GRIK4: variants seen among roughly 807,000 people sequenced by gnomAD.
GRIK4 encodes the protein glutamate ionotropic receptor kainate type subunit 4, also known as glutamate receptor ionotropic, kainate 4.
A neutral mutation model predicts 104.9 loss-of-function variants in GRIK4; 40 were observed. That is an observed-to-expected ratio of 0.38 (90% CI 0.30 to 0.50). The LOEUF is 0.50. Among genes scored for constraint, GRIK4 ranks in the 20% least tolerant of loss-of-function variants. GRIK4 has a pLI of 0.93. For synonymous variants in GRIK4, 485 were observed against 524.9 expected, an observed-to-expected ratio of 0.92 and a Z score of 1.04; for missense variants, 1,047 against 1,308.1, an observed-to-expected ratio of 0.80 and a Z score of 3.08.
chr11:120,705,306 A>G (rs1158565161), intron 3 of GRIK4, among the ~76,000 whole-genome samples: 3 of 149,134 alleles, frequency 2.0e-5, no homozygotes, highest in Non-Finnish European at 4.4e-5. Context: ...ATCTCGGCTC[A>G]CTACTGCCTC....
chr11:120,642,288 G>A (rs1205449843), intron 1 of GRIK4, among the ~76,000 whole-genome samples: 1 of 152,268 alleles, frequency 6.6e-6, no homozygotes, highest in Non-Finnish European at 1.5e-5. Flanking sequence ...CCATGATCAT[G>A]CCACTGCCCT....
At chr11:120,651,305 A>G (rs1171504562) in intron 1 of GRIK4, among the ~76,000 whole-genome samples, 1 of 152,170 alleles carries the variant, frequency 6.6e-6, no homozygotes, top group Non-Finnish European at 1.5e-5. Context: ...GCAGTTTTAC[A>G]GTTGTGGAAA....
chr11:120,765,022 C>G (rs1177876264), intron 3 of GRIK4, among the ~76,000 whole-genome samples: 1 of 152,100 alleles, frequency 6.6e-6, no homozygotes, highest in East Asian at 1.9e-4. Flanking sequence ...TGTTGGGGAA[C>G]TTCTCCTGGA....
chr11:120,822,495 A>G (rs1424702404), intron 6 of GRIK4, among the ~76,000 whole-genome samples: 1 of 152,218 alleles, frequency 6.6e-6, no homozygotes, highest in African/African-American at 2.4e-5. Context: ...TTTCCTCTGG[A>G]TCTGTGATGA....
At chr11:120,546,785 TGTGTGGCTACTAGGAG>T (rs1264049145) in intron 1 of GRIK4, among the ~76,000 whole-genome samples, 1 of 152,154 alleles carries the variant, frequency 6.6e-6, no homozygotes, top group African/African-American at 2.4e-5. Context: ...CCCCTCCCAC[TGTGTGGCTACTAGGAG>T]TAAGGATGGA....
chr11:120,575,466 C>G (rs565417927), intron 1 of GRIK4, among the ~76,000 whole-genome samples: 2 of 152,256 alleles, frequency 1.3e-5, no homozygotes, highest in Non-Finnish European at 2.9e-5. Flanking sequence ...TCCTCCACCC[C>G]ACAGAACATT....
At chr11:120,647,042 T>C (rs2135210798) in intron 1 of GRIK4, among the ~76,000 whole-genome samples, 1 of 152,230 alleles carries the variant, frequency 6.6e-6, no homozygotes, top group East Asian at 1.9e-4. Context: ...GTCCAGACCC[T>C]TTACTACAAA....
At chr11:120,861,160 G>T (rs1158891137) in intron 8 of GRIK4, among the ~76,000 whole-genome samples, 1 of 137,286 alleles carries the variant, frequency 7.3e-6, no homozygotes, top group Non-Finnish European at 1.5e-5. Flanking sequence ...CCAGGCTGGA[G>T]TGCAATGGCA....
In GRIK4 at chr11:120,864,880, G is replaced by A. The variant is rs1004084417; in HGVS notation, c.906+2760G>A. Among the ~76,000 whole-genome samples, 14 of 152,298 alleles carry A rather than the reference G, an allele frequency of 9.2e-5. No homozygotes were observed. In the East Asian group the frequency reaches 2.7e-3, roughly 29 times the overall value. On this transcript the variant is annotated intron_variant, in intron 9 of 20. Transcript: ENST00000527524. Reference sequence around the variant, plus strand: ...AGGCCACTGGCCTTGGAGTCACAGAGCCTGGAGTCAAATACTGGCCTTGAC... The same window carrying A: ...AGGCCACTGGCCTTGGAGTCACAGAACCTGGAGTCAAATACTGGCCTTGAC...
chr11:120,884,555 TGCCTCTCTC>T (rs1231360761), intron 11 of GRIK4, among the ~76,000 whole-genome samples: 2 of 152,224 alleles, frequency 1.3e-5, no homozygotes, highest in African/African-American at 2.4e-5. Flanking sequence ...CTCCCTCTCC[TGCCTCTCTC>T]CTTCCTCCAC....
chr11:120,920,985 G>A (rs191943004), intron 13 of GRIK4, among the ~76,000 whole-genome samples: 38 of 152,206 alleles, frequency 2.5e-4, no homozygotes, highest in African/African-American at 9.2e-4. Flanking sequence ...TCCAGCATGT[G>A]GCCTTCACAT....
At chr11:120,751,947 G>A (rs3132782) in intron 3 of GRIK4, among the ~76,000 whole-genome samples, 16,792 of 152,192 alleles carry the variant, frequency 0.11, 1,219 homozygotes, top group South Asian at 0.25. Context: ...TTGCGGCTGG[G>A]GGGTGGGGAG....
At chr11:120,856,017 A>G (rs1388152282) in intron 8 of GRIK4, among the ~76,000 whole-genome samples, 1 of 152,202 alleles carries the variant, frequency 6.6e-6, no homozygotes, top group African/African-American at 2.4e-5. Context: ...CAGGAAAAGG[A>G]AGGAGATTGG....
intron 3 of GRIK4, among the ~76,000 whole-genome samples, chr11:120,769,859 G>A (rs1306024842): frequency 6.6e-6 from 1 of 152,210 alleles, no homozygotes; most frequent in African/African-American, 2.4e-5. Flanking sequence ...CAACATCTGT[G>A]TGGTGCTCCA....
At chr11:120,898,747 C>T in intron 12 of GRIK4, 108 bp downstream of exon 12, 1 of 676,744 alleles carries the variant, frequency 1.5e-6, no homozygotes, top group South Asian at 1.7e-5. Context: ...CTAATCACAG[C>T]ACTGAGCCCA....
At chr11:120,705,393 T>G (rs1337039407) in intron 3 of GRIK4, among the ~76,000 whole-genome samples, 1 of 152,134 alleles carries the variant, frequency 6.6e-6, no homozygotes, top group Non-Finnish European at 1.5e-5. Context: ...GCCCAGCTAA[T>G]TTTTGTATTT....
Position 120,842,698 on chromosome 11 carries a change from C to T in GRIK4, c.744+5854C>T, listed in dbSNP as rs569075735. Among the ~76,000 whole-genome samples, 5 of 152,342 alleles carry T rather than the reference C, an allele frequency of 3.3e-5. No individual in the cohort carries two copies. In the South Asian group the frequency reaches 1.0e-3, roughly 32 times the overall value. On this transcript the variant is annotated intron_variant, in intron 8 of 20. Coordinates refer to ENST00000527524, the MANE Select transcript of GRIK4 (RefSeq NM_014619.5). ...GGCATGCATAGGGCAGTTATAGATG[C>T]ACTGTGCTTATTCGGCTCTTTACTC...
intron 1 of GRIK4, among the ~76,000 whole-genome samples, chr11:120,531,692 C>T (rs1591677735): frequency 6.6e-6 from 1 of 152,116 alleles, no homozygotes. Flanking sequence ...TCTCTTGCCT[C>T]AGCCTCCCGA....
chr11:120,956,734 A>C lies in GRIK4; in HGVS notation c.1701-46A>C. On this transcript the variant is annotated intron_variant, in intron 15 of 20. Transcript: ENST00000527524. This position sits in a 1 kb window ranked among gnomAD's most constrained non-coding sequence, Gnocchi z 4.6. Reference sequence around the variant, plus strand: ...CAGGAGAGCCTGCCTGTGTCCCTTCACACCCCGCCTCTGTGGCACTAGTGT... The same window carrying C: ...CAGGAGAGCCTGCCTGTGTCCCTTCCCACCCCGCCTCTGTGGCACTAGTGT... 2 of 1,412,982 alleles carry C rather than the reference A, an allele frequency of 1.4e-6. No individual in the cohort carries two copies. The highest frequency in any genetic ancestry group is 1.9e-6 in the Non-Finnish European group (2 of 1,058,194). 87.5% of individuals were successfully genotyped at this position (1,412,982 alleles called of 1,614,324 possible).
Sources: allele counts gnomAD v4.1 joint callset (sites outside exome capture counted in the v4.1 genomes callset), GRCh38; gene constraint gnomAD v4.1.1; non-coding constraint Gnocchi (gnomAD v3.1); transcripts MANE v1.5; gene names NCBI Gene and HGNC (gene_info 2026-07-23, HGNC 2026-07-21).